The following HRH1 variants were observed in gnomAD, a reference collection of about 807,000 sequenced individuals.
HRH1 encodes histamine H1 receptor.
In HRH1, 6 loss-of-function variants were observed where a neutral mutation model predicts 10.3. The ratio of observed to expected loss-of-function variants is 0.58; its 90% CI spans 0.32 to 1.15. The LOEUF (loss-of-function observed/expected upper bound fraction) is 1.15, where lower values mean the gene tolerates loss of function less well. HRH1 is among the 50% of genes most tolerant of loss of function. The pLI is 0.05. For missense variants in HRH1, 514 were observed against 615.3 expected (o/e 0.84, Z 1.74); for synonymous variants, 242 against 236.7 (o/e 1.02, Z -0.21).
intron 1 of HRH1, among the ~76,000 whole-genome samples, chr3:11,250,535 G>A (rs547299667): frequency 6.6e-6 from 1 of 152,226 alleles, no homozygotes; most frequent in East Asian, 1.9e-4. Flanking sequence ...TGATAAGGAT[G>A]TGATCTCCAG....
intron 1 of HRH1, among the ~76,000 whole-genome samples, chr3:11,250,949 C>T (rs1182691218): frequency 6.6e-6 from 1 of 152,206 alleles, no homozygotes; most frequent in Admixed American, 6.5e-5. Context: ...TCACACATAG[C>T]TTGGGGGCCC....
chr3:11,242,480 C>CAAAAAAAAA (rs35809891), intron 1 of HRH1, among the ~76,000 whole-genome samples: 576 of 50,382 alleles, frequency 0.011, 38 homozygotes, highest in Middle Eastern at 0.02. Context: ...GACTCCGTCT[C>CAAAAAAAAA]AAAAAAAAAA....
rs866563542 is a variant in HRH1 at position 11,246,929 on chromosome 3, C to A, written c.-35-12074C>A. Among the ~76,000 whole-genome samples, 17 of 152,212 alleles carry A rather than the reference C, an allele frequency of 1.1e-4. No homozygotes were observed. The South Asian group carries it at 1.7e-3, about 15-fold the overall frequency. ...AGGCATGGTGGTGCGTGCCTGTGGTCCCTCCCAGCTACTCAGGAGGCTGAG... is the reference window on the plus strand; with the variant it reads ...AGGCATGGTGGTGCGTGCCTGTGGTACCTCCCAGCTACTCAGGAGGCTGAG... On this transcript the variant is annotated intron_variant, in intron 1 of 1. Coordinates refer to ENST00000431010, the MANE Select transcript of HRH1 (RefSeq NM_001098212.2).
intron 1 of HRH1, among the ~76,000 whole-genome samples, chr3:11,255,972 A>G (rs1051298445): frequency 1.3e-5 from 2 of 152,144 alleles, no homozygotes; most frequent in African/African-American, 4.8e-5. Context: ...ACAATTCCAC[A>G]GGGTTTGGAC....
At chr3:11,138,974 C>T (rs1936238820) in intron 1 of HRH1, among the ~76,000 whole-genome samples, 2 of 149,788 alleles carry the variant, frequency 1.3e-5, no homozygotes, top group African/African-American at 5.0e-5. Flanking sequence ...TGTGCCTGGC[C>T]ATAGCTGCAT....
At chr3:11,158,356 A>T (rs1037004089) in intron 1 of HRH1, among the ~76,000 whole-genome samples, 3 of 152,248 alleles carry the variant, frequency 2.0e-5, no homozygotes, top group Non-Finnish European at 2.9e-5. Flanking sequence ...TTGACTTCTA[A>T]CAAGTAGGCA....
At chr3:11,155,682 C>G (rs2125005681) in intron 1 of HRH1, among the ~76,000 whole-genome samples, 1 of 152,224 alleles carries the variant, frequency 6.6e-6, no homozygotes, top group South Asian at 2.1e-4. Context: ...TGGAAGGTGC[C>G]TGAATAACTC....
chr3:11,250,208 A>ATTTTTTTTTTTTTTTTTTTTT (rs71055857), intron 1 of HRH1, among the ~76,000 whole-genome samples: 1 of 106,910 alleles, frequency 9.4e-6, no homozygotes, highest in Non-Finnish European at 1.8e-5. Flanking sequence ...CACCCGGCTA[A>ATTTTTTTTTTTTTTTTTTTTT]TTTTTTTTTT....
chr3:11,182,031 A>G (rs1166870526), intron 1 of HRH1, among the ~76,000 whole-genome samples: 1 of 151,934 alleles, frequency 6.6e-6, no homozygotes, highest in Non-Finnish European at 1.5e-5. Flanking sequence ...CACCCAGGCT[A>G]GAGTGCAGTG....
At chr3:11,158,016 G>C (rs566326150) in intron 1 of HRH1, among the ~76,000 whole-genome samples, 111 of 152,352 alleles carry the variant, frequency 7.3e-4, no homozygotes, top group Middle Eastern at 3.4e-3. Flanking sequence ...ACAGCTCCTA[G>C]CACGTAGAAG....
chr3:11,179,642 A>G (rs1304053053), intron 1 of HRH1, among the ~76,000 whole-genome samples: 1 of 151,376 alleles, frequency 6.6e-6, no homozygotes, highest in Non-Finnish European at 1.5e-5. Context: ...AGAAAGAAAG[A>G]AAGTCAGCCA....
intron 1 of HRH1, among the ~76,000 whole-genome samples, chr3:11,163,090 G>A (rs925042629): frequency 1.3e-5 from 2 of 152,024 alleles, no homozygotes; most frequent in Non-Finnish European, 2.9e-5. Context: ...CTCCCCCACT[G>A]CCTTCTTGCC....
At chr3:11,198,600 G>C (rs773057149) in intron 1 of HRH1, among the ~76,000 whole-genome samples, 1 of 151,962 alleles carries the variant, frequency 6.6e-6, no homozygotes, top group African/African-American at 2.4e-5. Context: ...GACTGGGCAC[G>C]GTAGTTCACT....
intron 1 of HRH1, among the ~76,000 whole-genome samples, chr3:11,155,925 C>T (rs1258856224): frequency 6.6e-6 from 1 of 152,220 alleles, no homozygotes; most frequent in Non-Finnish European, 1.5e-5. Flanking sequence ...TCTACTGAGG[C>T]TCAGAGAGGT....
chr3:11,255,691 G>A (rs1191257744), intron 1 of HRH1, among the ~76,000 whole-genome samples: 1 of 152,186 alleles, frequency 6.6e-6, no homozygotes, highest in Non-Finnish European at 1.5e-5. Context: ...GGGAAAGGCA[G>A]GACAACTGGA....
chr3:11,259,847 ATCTG>A lies in HRH1; in HGVS notation c.814_817del (p.Val272Ter). 2 of 1,614,062 alleles carry A rather than the reference ATCTG, an allele frequency of 1.2e-6. No individual in the cohort carries two copies. The highest frequency in any genetic ancestry group is 1.7e-6 in the Non-Finnish European group (2 of 1,179,996). ...GGAAGCCAAAAGATGCTGGTGGTGG[ATCTG>A]TCTTGAAGTCACCATCCCAAACCCC... On this transcript the variant is annotated frameshift_variant, in exon 2 of 2. Coordinates refer to ENST00000431010, the MANE Select transcript of HRH1 (RefSeq NM_001098212.2). LOFTEE classifies it low-confidence loss of function (END_TRUNC). This position sits in a 1 kb window ranked among gnomAD's most constrained non-coding sequence, Gnocchi z 4.6.
At chr3:11,212,802 G>A (rs374393841) in intron 1 of HRH1, among the ~76,000 whole-genome samples, 4 of 152,042 alleles carry the variant, frequency 2.6e-5, no homozygotes, top group African/African-American at 7.2e-5. Flanking sequence ...AGTCAAAACC[G>A]AAGTTCCTGC....
chr3:11,161,548 T>C (rs1936922253), intron 1 of HRH1, among the ~76,000 whole-genome samples: 1 of 152,186 alleles, frequency 6.6e-6, no homozygotes, highest in East Asian at 1.9e-4. Flanking sequence ...CCTCTGTCCT[T>C]GGTGTCTGAC....
At chr3:11,251,866 G>C (rs146791774) in intron 1 of HRH1, among the ~76,000 whole-genome samples, 1 of 152,170 alleles carries the variant, frequency 6.6e-6, no homozygotes, top group Non-Finnish European at 1.5e-5. Context: ...TCTTCTGTTA[G>C]CAAAGTAGTT....
Sources: gnomAD v4.1 joint callset for allele counts (sites outside exome capture counted in the v4.1 genomes callset) on GRCh38, gnomAD v4.1.1 for gene constraint, Gnocchi (gnomAD v3.1) non-coding constraint, MANE v1.5 for transcripts, NCBI Gene and HGNC (gene_info 2026-07-23, HGNC 2026-07-21) for gene names.